The following DCC variants were observed in gnomAD, a reference collection of about 807,000 sequenced individuals.
DCC encodes the protein netrin receptor DCC.
Under a neutral mutation model 172.5 loss-of-function variants are expected in DCC, and 58 were observed. The ratio of observed to expected loss-of-function variants is 0.34; its 90% CI spans 0.27 to 0.42. The LOEUF (loss-of-function observed/expected upper bound fraction) is 0.42. Ranked by LOEUF, DCC falls within the 10% of genes least tolerant of loss-of-function variation. DCC has a pLI of 1.00. For missense variants in DCC, 1,740 were observed against 1,791.0 expected (o/e 0.97, Z 0.51); for synonymous variants, 709 against 644.5 (o/e 1.10, Z -1.52).
Position 52,880,065 on chromosome 18 carries a change from A to T in DCC, c.413-25979A>T, listed in dbSNP as rs189795467. The stretch of plus-strand genomic sequence containing the variant: ...CATATTTTTAGTTATTTTTAAATGT[A>T]CTATCAGATTATTATTGATTATAGT... On this transcript the variant is annotated intron_variant, in intron 2 of 28. Transcript: ENST00000442544. 4.3e-3 allele frequency among the ~76,000 whole-genome samples: 648 copies of T among 152,198 alleles called. 3 individuals are homozygous for T. The highest frequency in any genetic ancestry group is 6.9e-3 in the Non-Finnish European group (471 of 68,024).
intron 5 of DCC, among the ~76,000 whole-genome samples, chr18:53,005,360 T>C (rs554733519): frequency 6.6e-6 from 1 of 152,278 alleles, no homozygotes; most frequent in African/African-American, 2.4e-5. Context: ...GCCAACCATC[T>C]CCAAATTTTC....
intron 1 of DCC, among the ~76,000 whole-genome samples, chr18:52,704,762 C>A (rs1394128463): frequency 6.6e-6 from 1 of 152,174 alleles, no homozygotes; most frequent in African/African-American, 2.4e-5. Flanking sequence ...CAGATGGCTC[C>A]AGTGGGCGTG....
intron 1 of DCC, among the ~76,000 whole-genome samples, chr18:52,567,462 C>T (rs2033186055): frequency 6.6e-6 from 1 of 152,012 alleles, no homozygotes; most frequent in African/African-American, 2.4e-5. Flanking sequence ...CATCATTTGC[C>T]AGCTGTATGA....
intron 1 of DCC, among the ~76,000 whole-genome samples, chr18:52,428,632 G>A (rs1451378052): frequency 6.6e-6 from 1 of 152,040 alleles, no homozygotes; most frequent in Non-Finnish European, 1.5e-5. Context: ...GTCATCATTA[G>A]CCATATTGTT....
intron 27 of DCC, among the ~76,000 whole-genome samples, chr18:53,500,397 A>C (rs2046082279): frequency 6.6e-6 from 1 of 152,162 alleles, no homozygotes; most frequent in Non-Finnish European, 1.5e-5. Context: ...GTAATCTGAG[A>C]TGGCCTCCTT....
At chr18:53,095,778 T>TG (rs1407663744) in intron 7 of DCC, among the ~76,000 whole-genome samples, 1 of 149,380 alleles carries the variant, frequency 6.7e-6, no homozygotes, top group African/African-American at 2.5e-5. Context: ...TTCTAGGGAT[T>TG]GGGATATGGA....
At position 53,205,254 on chromosome 18, in the gene DCC, T is replaced by G. The variant is rs752799008; in HGVS notation, c.1612T>G (p.Ser538Ala). 1 of 1,613,690 alleles carries G rather than the reference T, an allele frequency of 6.2e-7. No individual in the cohort carries two copies. Among genetic ancestry groups the G allele is most frequent in the South Asian group, 1.1e-5 (1 of 91,078 alleles). ...GCCAGTAGAAAACCTGCAAGCTGTA[T>G]CTACCTCACCTACCTCAATTCTTAT... is the stretch of plus-strand genomic sequence containing the variant. ...PGPVENLQAV[S>A]TSPTSILITW... Residue 538 changes from serine (S) to alanine (A), a missense_variant, in exon 10 of 29, where the codon TCT becomes GCT. Ser to Ala is a moderately conservative substitution (Grantham distance 99). Around this residue, in one of 2 missense-constraint regions of DCC, gnomAD observed 1,732 missense variants for 1,767.4 expected, o/e 0.98. Coordinates refer to ENST00000442544, the MANE Select transcript of DCC (RefSeq NM_005215.4).
intron 27 of DCC, among the ~76,000 whole-genome samples, chr18:53,511,183 TTCTC>T (rs2046246660): frequency 6.6e-6 from 1 of 152,224 alleles, no homozygotes; most frequent in South Asian, 2.1e-4. Context: ...GTTTTACCCT[TTCTC>T]TCTCTAGGTT....
intron 1 of DCC, among the ~76,000 whole-genome samples, chr18:52,664,760 C>T (rs1362973658): frequency 6.6e-6 from 1 of 151,886 alleles, no homozygotes; most frequent in Non-Finnish European, 1.5e-5. Flanking sequence ...TGTGAGCCAC[C>T]GCGCCCGGCC....
intron 27 of DCC, among the ~76,000 whole-genome samples, chr18:53,511,913 T>C (rs1248060419): frequency 6.6e-6 from 1 of 152,176 alleles, no homozygotes; most frequent in Non-Finnish European, 1.5e-5. Flanking sequence ...TTGCCCAGGC[T>C]TGCTTAGGTA....
intron 8 of DCC, among the ~76,000 whole-genome samples, chr18:53,161,010 G>A (rs902860857): frequency 6.6e-6 from 1 of 152,108 alleles, no homozygotes; most frequent in Non-Finnish European, 1.5e-5. Flanking sequence ...TGTGCCATCA[G>A]TTTCTCCCAC....
At chr18:53,076,503 C>A (rs1382894125) in intron 7 of DCC, among the ~76,000 whole-genome samples, 1 of 152,110 alleles carries the variant, frequency 6.6e-6, no homozygotes, top group Non-Finnish European at 1.5e-5. Context: ...ATCAAGTCAG[C>A]AGCTGTTGTT....
At chr18:53,268,573 A>G (rs2056710044) in intron 12 of DCC, among the ~76,000 whole-genome samples, 1 of 152,134 alleles carries the variant, frequency 6.6e-6, no homozygotes, top group Non-Finnish European at 1.5e-5. Flanking sequence ...CTCATTTGCA[A>G]TGCTATTCTC....
intron 2 of DCC, among the ~76,000 whole-genome samples, chr18:52,761,842 G>C (rs1248984396): frequency 6.8e-6 from 1 of 146,174 alleles, no homozygotes; most frequent in Non-Finnish European, 1.5e-5. Context: ...CCAGGAGGCA[G>C]AGCTTGCAGT....
At chr18:52,805,134 T>G (rs542177127) in intron 2 of DCC, among the ~76,000 whole-genome samples, 20 of 152,318 alleles carry the variant, frequency 1.3e-4, no homozygotes, top group African/African-American at 4.3e-4. Context: ...TACATGAAAA[T>G]GCATACAAAT....
At chr18:52,522,391 T>A (rs1421872200) in intron 1 of DCC, among the ~76,000 whole-genome samples, 1 of 152,166 alleles carries the variant, frequency 6.6e-6, no homozygotes, top group Non-Finnish European at 1.5e-5. Context: ...AGTATCTTAG[T>A]GCTGTCCAAG....
At position 53,391,639 on chromosome 18, in the gene DCC, G is replaced by T; in HGVS notation, c.2456-16G>T. The T allele has an allele frequency of 6.6e-7, 1 of 1,515,580 alleles. No homozygotes were observed. Among genetic ancestry groups the T allele is most frequent in the Non-Finnish European group, 9.2e-7 (1 of 1,090,336 alleles). The allele number at this position is 1,515,580 out of a possible 1,614,324, so 93.9% of individuals were successfully genotyped here. On this transcript the variant is annotated splice_polypyrimidine_tract_variant and intron_variant, in intron 16 of 28. Transcript: ENST00000442544. ...TATTTATTTGTTTGTTTCATTTGGTGGGTTTTTAAACCCAGATCCCACTGA... is the reference window on the plus strand; with the variant it reads ...TATTTATTTGTTTGTTTCATTTGGTTGGTTTTTAAACCCAGATCCCACTGA...
At chr18:53,289,117 A>G (rs2056968809) in intron 12 of DCC, among the ~76,000 whole-genome samples, 1 of 151,906 alleles carries the variant, frequency 6.6e-6, no homozygotes, top group African/African-American at 2.4e-5. Flanking sequence ...ATTAGTTCAC[A>G]TATTTATAAC....
chr18:52,575,375 C>T (rs1568236595), intron 1 of DCC, among the ~76,000 whole-genome samples: 1 of 152,152 alleles, frequency 6.6e-6, no homozygotes, highest in Non-Finnish European at 1.5e-5. Context: ...GCGTTATACT[C>T]AGAAAGATAG....
Sources: gnomAD v4.1 joint callset for allele counts (sites outside exome capture counted in the v4.1 genomes callset) on GRCh38, gnomAD v4.1.1 for gene constraint, gnomAD v4.1.1 regional missense constraint, MANE v1.5 for transcripts, NCBI Gene and HGNC (gene_info 2026-07-23, HGNC 2026-07-21) for gene names.